Variants in CSMD1 observed in about 807,000 individuals in gnomAD.
CSMD1 encodes CUB and sushi domain-containing protein 1.
In CSMD1, 213 loss-of-function variants were observed where a neutral mutation model predicts 417.5. The observed-to-expected ratio is 0.51, with a 90% confidence interval of 0.46 to 0.57. CSMD1 has a LOEUF of 0.57. Ranked by LOEUF, CSMD1 falls within the 20% of genes least tolerant of loss-of-function variation. The probability of loss-of-function intolerance (pLI) is 0.00; values close to 1 mark genes in which losing one functional copy is unlikely to be tolerated. For missense variants in CSMD1, 6,923 were observed against 4,529.7 expected (o/e 1.53, Z -15.17); for synonymous variants, 2,862 against 1,736.8 (o/e 1.65, Z -16.11).
chr8:3,264,675 C>G (rs575892927), intron 26 of CSMD1, among the ~76,000 whole-genome samples: 2 of 151,978 alleles, frequency 1.3e-5, no homozygotes, highest in Non-Finnish European at 2.9e-5. Flanking sequence ...ACTGTGGGGT[C>G]GTAAAAAGAG....
chr8:4,610,675 G>C (rs1031846975), intron 2 of CSMD1, among the ~76,000 whole-genome samples: 2 of 152,170 alleles, frequency 1.3e-5, no homozygotes, highest in South Asian at 2.1e-4. Flanking sequence ...CCATGAATTA[G>C]TTTGTTATTC....
intron 12 of CSMD1, among the ~76,000 whole-genome samples, chr8:3,420,912 T>A (rs1489866783): frequency 6.6e-6 from 1 of 152,178 alleles, no homozygotes; most frequent in Non-Finnish European, 1.5e-5. Context: ...TTCCTGTTTC[T>A]CTTGGTCCAG....
chr8:3,489,418 T>C (rs1260047449), intron 11 of CSMD1, among the ~76,000 whole-genome samples: 1 of 152,144 alleles, frequency 6.6e-6, no homozygotes, highest in Non-Finnish European at 1.5e-5. Context: ...CCTGAATTAA[T>C]GAAATCCCCT....
Position 3,998,009 on chromosome 8 carries a change from T to C in CSMD1, c.712A>G (p.Ile238Val), listed in dbSNP as rs1269149740. The C allele has an allele frequency of 1.4e-5, 23 of 1,609,198 alleles. No homozygotes were observed. The Admixed American group carries it at 2.2e-4, about 15-fold the overall frequency. The change falls in exon 5 of 70, where the codon ATT (isoleucine) becomes GTT (valine). Residue 238 changes from isoleucine (I) to valine (V), a missense_variant. By Grantham distance (29) the Ile-to-Val change is conservative. Coordinates refer to ENST00000635120, the MANE Select transcript of CSMD1 (RefSeq NM_033225.6). ...YENNADCTWT[I>V]LAEPGDTIAL... is the part of the protein sequence containing the mutation. Reference sequence around the variant, plus strand: ...ATGGTGTCCCCGGGCTCAGCCAGAATGGTCCAGGTGCAGTCCGCGTTGTTC... The same window carrying C: ...ATGGTGTCCCCGGGCTCAGCCAGAACGGTCCAGGTGCAGTCCGCGTTGTTC...
intron 5 of CSMD1, among the ~76,000 whole-genome samples, chr8:3,771,738 T>A (rs1798584929): frequency 6.6e-6 from 1 of 152,146 alleles, no homozygotes; most frequent in Non-Finnish European, 1.5e-5. Context: ...TCAATGACAT[T>A]GACTGTGTGT....
chr8:4,064,784 C>A (rs1056047553), intron 3 of CSMD1, among the ~76,000 whole-genome samples: 2 of 152,170 alleles, frequency 1.3e-5, no homozygotes, highest in African/African-American at 4.8e-5. Flanking sequence ...CATTTAGAAA[C>A]AGCCTTCCTG....
chr8:3,305,807 G>A (rs1242656544), intron 25 of CSMD1, among the ~76,000 whole-genome samples: 2 of 152,146 alleles, frequency 1.3e-5, no homozygotes, highest in African/African-American at 4.8e-5. Context: ...AGCCTCCCGA[G>A]TAGCTGGGAC....
At chr8:3,281,274 C>G (rs1433433811) in intron 26 of CSMD1, among the ~76,000 whole-genome samples, 1 of 152,038 alleles carries the variant, frequency 6.6e-6, no homozygotes, top group Admixed American at 6.6e-5. Flanking sequence ...GAAACCCTGT[C>G]TAGGCTAAAA....
intron 1 of CSMD1, among the ~76,000 whole-genome samples, chr8:4,842,787 C>T (rs1205207278): frequency 1.3e-5 from 2 of 152,190 alleles, no homozygotes; most frequent in Non-Finnish European, 2.9e-5. Flanking sequence ...TCACATTACA[C>T]ATTAATGGTA....
chr8:3,158,224 T>A (rs188005063), intron 38 of CSMD1, among the ~76,000 whole-genome samples: 1,584 of 152,292 alleles, frequency 0.01, 9 homozygotes, highest in Non-Finnish European at 0.017. Flanking sequence ...AGACCATAAT[T>A]CGACTCAGCT....
At chr8:4,417,538 T>C (rs1797011389) in intron 3 of CSMD1, among the ~76,000 whole-genome samples, 1 of 152,078 alleles carries the variant, frequency 6.6e-6, no homozygotes, top group African/African-American at 2.4e-5. Flanking sequence ...ATGAATTTAT[T>C]ATAATATGAA....
chr8:4,294,781 T>C (rs1476708855), intron 3 of CSMD1, among the ~76,000 whole-genome samples: 3 of 152,108 alleles, frequency 2.0e-5, no homozygotes, highest in Non-Finnish European at 4.4e-5. Flanking sequence ...TAATCATGGG[T>C]AAAATAAAAA....
In CSMD1 at chr8:3,683,099, T is replaced by C. The variant is rs1008273805; in HGVS notation, c.1009+25315A>G. On this transcript the variant is annotated intron_variant, in intron 7 of 69. Coordinates refer to ENST00000635120, the MANE Select transcript of CSMD1 (RefSeq NM_033225.6). ...ATTAGGAGATATACCTAATGCTAAA[T>C]GACAAGCTAATGGGTGCAGCACACC... Among the ~76,000 whole-genome samples the C allele has an allele frequency of 2.6e-5, 4 of 152,152 alleles. No individual in the cohort carries two copies. The East Asian group carries it at 5.8e-4, about 22-fold the overall frequency.
intron 12 of CSMD1, among the ~76,000 whole-genome samples, chr8:3,448,182 C>G (rs903456459): frequency 6.7e-6 from 1 of 149,740 alleles, no homozygotes; most frequent in African/African-American, 2.5e-5. Context: ...ATAGTGAAGA[C>G]AGAACAAATA....
chr8:4,980,417 T>C (rs886588194), intron 1 of CSMD1, among the ~76,000 whole-genome samples: 1 of 152,040 alleles, frequency 6.6e-6, no homozygotes, highest in Non-Finnish European at 1.5e-5. Flanking sequence ...TGGTCTTGTG[T>C]GTGTGGGAAG....
intron 2 of CSMD1, among the ~76,000 whole-genome samples, chr8:4,464,827 G>A (rs1800060210): frequency 6.6e-6 from 1 of 152,010 alleles, no homozygotes; most frequent in Non-Finnish European, 1.5e-5. Flanking sequence ...GTTTTGGGAG[G>A]AAAGTATCTA....
At chr8:3,501,208 T>C (rs1235666660) in intron 10 of CSMD1, among the ~76,000 whole-genome samples, 2 of 152,212 alleles carry the variant, frequency 1.3e-5, no homozygotes, top group African/African-American at 2.4e-5. Flanking sequence ...AACTGATCTC[T>C]ATGATCTTTG....
intron 3 of CSMD1, among the ~76,000 whole-genome samples, chr8:4,055,461 A>G (rs1023160523): frequency 6.8e-6 from 1 of 147,242 alleles, no homozygotes; most frequent in Admixed American, 6.6e-5. Flanking sequence ...GAAAAATTTA[A>G]TAAATTATAT....
chr8:4,040,752 G>A (rs1797845056), intron 3 of CSMD1, among the ~76,000 whole-genome samples: 1 of 152,128 alleles, frequency 6.6e-6, no homozygotes, highest in Admixed American at 6.5e-5. Context: ...AACAAGGTAA[G>A]CGACCAGTTG....
Sources: gnomAD v4.1 joint callset for allele counts (sites outside exome capture counted in the v4.1 genomes callset) on GRCh38, gnomAD v4.1.1 for gene constraint, MANE v1.5 for transcripts, NCBI Gene and HGNC (gene_info 2026-07-23, HGNC 2026-07-21) for gene names.